Variants in FRYL observed in about 807,000 individuals in gnomAD.
FRYL encodes protein furry homolog-like.
FRYL carries 150 observed loss-of-function variants against 351.2 expected under a neutral mutation model. The observed-to-expected ratio is 0.43, with a 90% CI of 0.37 to 0.49. The LOEUF (loss-of-function observed/expected upper bound fraction) is 0.49. FRYL is among the 20% of genes least tolerant of loss of function. FRYL has a pLI of 0.00. For synonymous variants in FRYL, 1,153 were observed against 1,257.1 expected (o/e 0.92, Z 1.75); for missense variants, 3,036 against 3,619.3 (o/e 0.84, Z 4.13).
intron 55 of FRYL, among the ~76,000 whole-genome samples, chr4:48,516,547 T>G (rs1033687352): frequency 6.6e-6 from 1 of 152,178 alleles, no homozygotes; most frequent in Non-Finnish European, 1.5e-5. Flanking sequence ...TAGCTCCTTA[T>G]CTGTTTTTCA....
intron 1 of FRYL, among the ~76,000 whole-genome samples, chr4:48,728,123 G>A (rs1770291671): frequency 6.6e-6 from 1 of 152,084 alleles, no homozygotes; most frequent in African/African-American, 2.4e-5. Flanking sequence ...ATACTAAAAG[G>A]CAAATAATGT....
At chr4:48,686,494 T>C (rs189919143) in intron 2 of FRYL, among the ~76,000 whole-genome samples, 1 of 152,300 alleles carries the variant, frequency 6.6e-6, no homozygotes. Context: ...CATGGAATCA[T>C]TTCTCCCTCA....
At chr4:48,599,503 C>T (rs1222240156) in intron 13 of FRYL, among the ~76,000 whole-genome samples, 1 of 152,176 alleles carries the variant, frequency 6.6e-6, no homozygotes, top group Non-Finnish European at 1.5e-5. Context: ...CCTTGAAATT[C>T]ATCATATTTA....
intron 1 of FRYL, among the ~76,000 whole-genome samples, chr4:48,757,748 A>G (rs1353123003): frequency 6.6e-6 from 1 of 152,168 alleles, no homozygotes; most frequent in Non-Finnish European, 1.5e-5. Context: ...TAAAGTTCAT[A>G]TGGAACCAAA....
In FRYL at chr4:48,549,377, T is replaced by A; in HGVS notation, c.4784+96A>T. On this transcript the variant is annotated intron_variant, in intron 39 of 63. Transcript: ENST00000358350. The surrounding 1 kb of genome is among the most constrained non-coding windows in gnomAD (Gnocchi z 4.2). ...TGTTGCAGTATCTCCATAAAGAAGA[T>A]TGCTTTCATTCTGTGTTGTCAGATA... The A allele has an allele frequency of 9.2e-7, 1 of 1,085,036 alleles. No homozygotes were observed. 67.2% of individuals were successfully genotyped at this position (1,085,036 alleles called of 1,614,324 possible).
intron 3 of FRYL, among the ~76,000 whole-genome samples, chr4:48,644,676 AAAACAAACAAAC>A (rs911918462): frequency 6.6e-6 from 1 of 151,930 alleles, no homozygotes; most frequent in Non-Finnish European, 1.5e-5. Context: ...CTGACTGGAT[AAAACAAACAAAC>A]AAACAAACAA....
At chr4:48,647,380 A>T (rs1264387608) in intron 3 of FRYL, among the ~76,000 whole-genome samples, 8 of 152,198 alleles carry the variant, frequency 5.3e-5, no homozygotes, top group Non-Finnish European at 1.2e-4. Context: ...CACAGATATT[A>T]TTCTGGCCTG....
At chr4:48,552,440 AT>A (rs61239991) in intron 36 of FRYL, among the ~76,000 whole-genome samples, 149,694 of 152,146 alleles carry the variant, frequency 0.98, 73,677 homozygotes, top group East Asian at 1. Context: ...TAGAACTTAT[AT>A]TTTTTTTAAT....
At chr4:48,734,434 A>C (rs1247000168) in intron 1 of FRYL, among the ~76,000 whole-genome samples, 1 of 152,224 alleles carries the variant, frequency 6.6e-6, no homozygotes, top group Non-Finnish European at 1.5e-5. Context: ...AATTACATGG[A>C]AAAATAGATG....
At chr4:48,712,654 G>A (rs374338977) in intron 1 of FRYL, among the ~76,000 whole-genome samples, 2 of 152,174 alleles carry the variant, frequency 1.3e-5, no homozygotes, top group Non-Finnish European at 2.9e-5. Context: ...GCAGGATATT[G>A]TCCAGGAGAA....
intron 16 of FRYL, 87 bp downstream of exon 16, chr4:48,593,843 A>T: frequency 7.1e-6 from 4 of 565,884 alleles, no homozygotes; most frequent in Non-Finnish European, 1.2e-5. Context: ...TAGAGCTGGG[A>T]TTTGAACCTA....
At chr4:48,530,209 CTCT>C (rs1727236837) in intron 50 of FRYL, among the ~76,000 whole-genome samples, 1 of 152,194 alleles carries the variant, frequency 6.6e-6, no homozygotes, top group Non-Finnish European at 1.5e-5. Flanking sequence ...CATTCCCACT[CTCT>C]TGAGTGGTGC....
At chr4:48,586,600 C>T (rs1420160914) in intron 19 of FRYL, 21 bp downstream of exon 19, 1 of 1,483,532 alleles carries the variant, frequency 6.7e-7, no homozygotes, top group African/African-American at 1.4e-5. Context: ...AACAATATAG[C>T]AAACAGTAAT....
chr4:48,591,570 C>T (rs577414860), intron 16 of FRYL, among the ~76,000 whole-genome samples: 3 of 152,288 alleles, frequency 2.0e-5, no homozygotes, highest in African/African-American at 7.2e-5. Context: ...TCCTGAAACA[C>T]TCCCTTCCTT....
chr4:48,641,341 T>C (rs1447549076), intron 3 of FRYL, among the ~76,000 whole-genome samples: 1 of 152,138 alleles, frequency 6.6e-6, no homozygotes, highest in Non-Finnish European at 1.5e-5. Flanking sequence ...TACCAGATGC[T>C]GTTTGTTTCC....
chr4:48,696,847 T>C (rs1452667692), intron 2 of FRYL, among the ~76,000 whole-genome samples: 5 of 38,784 alleles, frequency 1.3e-4, no homozygotes, highest in Admixed American at 4.7e-4. Context: ...CGATAAGAGA[T>C]CTATCTATCT....
chr4:48,573,139 C>A (rs1303635063), intron 26 of FRYL, 47 bp downstream of exon 26: 1 of 1,399,926 alleles, frequency 7.1e-7, no homozygotes, highest in Non-Finnish European at 1.0e-6. Flanking sequence ...GTAAATATGG[C>A]AGAAAAATGA....
rs545579264 is a variant in FRYL, at chr4:48,534,171, A to G, written c.6705+374T>C. On this transcript the variant is annotated intron_variant, in intron 49 of 63. Coordinates refer to ENST00000358350, the MANE Select transcript of FRYL (RefSeq NM_015030.2). ...AATCCAGGAGGCAGAGGCTGCAGTG[A>G]GCCGAGACTGCGCCACTGCACTCCA... Among the ~76,000 whole-genome samples the G allele has an allele frequency of 2.0e-5, 3 of 152,336 alleles. No homozygotes were observed. In the South Asian group the frequency reaches 6.2e-4, roughly 32 times the overall value.
chr4:48,609,077 CAAAA>C lies in FRYL; in HGVS notation c.492-14_492-11del. ...GTTGGTTCCTGAATATCTAAAATAA[CAAAA>C]GAACAAACATAACATTTCATTAAAT... On this transcript the variant is annotated splice_polypyrimidine_tract_variant and intron_variant, in intron 8 of 63. Coordinates refer to ENST00000358350, the MANE Select transcript of FRYL (RefSeq NM_015030.2). 6.6e-7 allele frequency: 1 copy of C among 1,513,672 alleles called. No individual in the cohort carries two copies. The highest frequency in any genetic ancestry group is 9.1e-7 in the Non-Finnish European group (1 of 1,092,930). The allele number at this position is 1,513,672 out of a possible 1,614,324, so 93.8% of individuals were successfully genotyped here.
Sources: gnomAD v4.1 joint callset for allele counts (sites outside exome capture counted in the v4.1 genomes callset) on GRCh38, gnomAD v4.1.1 for gene constraint, Gnocchi (gnomAD v3.1) non-coding constraint, MANE v1.5 for transcripts, NCBI Gene and HGNC (gene_info 2026-07-23, HGNC 2026-07-21) for gene names.